COQ4: variants seen among roughly 807,000 people sequenced by gnomAD.
The protein encoded by COQ4 is coenzyme Q4.
COQ4 carries 36 observed loss-of-function variants against 30.2 expected under a neutral mutation model. The ratio of observed to expected loss-of-function variants is 1.19; its 90% CI spans 0.91 to 1.57. COQ4 has a LOEUF of 1.57. COQ4 is among the 40% of genes most tolerant of loss of function. The probability of loss-of-function intolerance (pLI) is 0.00; values close to 1 mark genes in which losing one functional copy is unlikely to be tolerated. For synonymous variants in COQ4, 197 were observed against 161.0 expected, an observed-to-expected ratio of 1.22 and a Z score of -1.69; for missense variants, 369 against 371.9, an observed-to-expected ratio of 0.99 and a Z score of 0.07.
intron 4 of COQ4, among the ~76,000 whole-genome samples, chr9:128,329,939 G>A (rs966391725): frequency 2.6e-5 from 4 of 152,114 alleles, no homozygotes; most frequent in Non-Finnish European, 4.4e-5. Context: ...GCCCAGGACT[G>A]GCCTTTTATT....
At chr9:128,329,962 A>G (rs940999122) in intron 4 of COQ4, among the ~76,000 whole-genome samples, 1 of 152,116 alleles carries the variant, frequency 6.6e-6, no homozygotes, top group African/African-American at 2.4e-5. Context: ...TATGTTCAAG[A>G]GGTGTTCATT....
At chr9:128,323,376 C>T in intron 2 of COQ4, 1 of 559,626 alleles carries the variant, frequency 1.8e-6, no homozygotes, top group Non-Finnish European at 3.1e-6. Context: ...CTTTAAACTA[C>T]TTGGGAGAAT....
At chr9:128,323,501 C>T (rs2131462767) in intron 2 of COQ4, 1 of 445,756 alleles carries the variant, frequency 2.2e-6, no homozygotes, top group Non-Finnish European at 3.9e-6. Context: ...ATGTCTGCCT[C>T]GTTCCACTGC....
chr9:128,323,800 A>T (rs1002093248), intron 2 of COQ4, among the ~76,000 whole-genome samples: 1 of 152,210 alleles, frequency 6.6e-6, no homozygotes, highest in South Asian at 2.1e-4. Context: ...AAAAAAAAAT[A>T]CAAGAATTAA....
At chr9:128,325,018 G>A (rs1832293352) in intron 2 of COQ4, 125 bp from the exon 3 acceptor site, 6 of 652,906 alleles carry the variant, frequency 9.2e-6, no homozygotes, top group Non-Finnish European at 1.6e-5. Context: ...TGTTTAGCCT[G>A]AATCCTTATA....
At chr9:128,330,234 G>A (rs899458335) in intron 4 of COQ4, among the ~76,000 whole-genome samples, 3 of 151,268 alleles carry the variant, frequency 2.0e-5, no homozygotes, top group East Asian at 2.0e-4. Context: ...TTAGCCGGGT[G>A]TAGTGGCACG....
rs1414517533 is a variant in COQ4 at position 128,332,840 on chromosome 9, T to C, written c.533-10T>C. 2 of 1,609,580 alleles carry C rather than the reference T, an allele frequency of 1.2e-6. No homozygotes were observed. The highest frequency in any genetic ancestry group is 1.7e-6 in the Non-Finnish European group (2 of 1,175,862). On this transcript the variant is annotated splice_polypyrimidine_tract_variant and intron_variant, in intron 5 of 6. Transcript: ENST00000300452. Reference sequence around the variant, plus strand: ...GCTTGTTCACCTCCCAACACATCCCTCACCCACAGGGGAGATCGTGGTGAA... The same window carrying C: ...GCTTGTTCACCTCCCAACACATCCCCCACCCACAGGGGAGATCGTGGTGAA...
At chr9:128,330,356 G>C (rs1013254932) in intron 4 of COQ4, 3 of 151,516 alleles carry the variant, frequency 2.0e-5, no homozygotes, top group Non-Finnish European at 2.9e-5. Flanking sequence ...CTGGGCGACA[G>C]AGTGAGACTC....
chr9:128,325,706 C>T (rs1832305343), intron 3 of COQ4, 73 bp from the exon 4 acceptor site: 7 of 1,194,578 alleles, frequency 5.9e-6, no homozygotes, highest in Non-Finnish European at 6.2e-6. Flanking sequence ...TCTCCCGCCC[C>T]TCAGCTCGCT....
At chr9:128,323,215 TA>T in intron 2 of COQ4, 68 bp downstream of exon 2, 1 of 1,456,022 alleles carries the variant, frequency 6.9e-7, no homozygotes, top group Non-Finnish European at 9.1e-7. Context: ...AACTGGAACA[TA>T]GCCTAGGTCG....
At chr9:128,329,131 C>A (rs1832366693) in intron 4 of COQ4, among the ~76,000 whole-genome samples, 1 of 152,160 alleles carries the variant, frequency 6.6e-6, no homozygotes, top group African/African-American at 2.4e-5. Flanking sequence ...GAGTGAGAAT[C>A]CTGGCTCTCT....
At chr9:128,324,528 A>G (rs1264459038) in intron 2 of COQ4, among the ~76,000 whole-genome samples, 6 of 152,310 alleles carry the variant, frequency 3.9e-5, no homozygotes, top group African/African-American at 1.4e-4. Flanking sequence ...AAAAATGTGA[A>G]GCAGGCCAGG....
In COQ4 at chr9:128,332,860, G is replaced by A. The variant is rs1207276250; in HGVS notation, c.543G>A (p.Val181=). The A allele has an allele frequency of 6.2e-7, 1 of 1,613,692 alleles. No homozygotes were observed. Among genetic ancestry groups the A allele is most frequent in the African/African-American group, 1.3e-5 (1 of 74,928 alleles). The change falls in exon 6 of 7, where the codon GTG becomes GTA. Residue 181 remains valine, a synonymous_variant. Coordinates refer to ENST00000300452, the MANE Select transcript of COQ4 (RefSeq NM_016035.5). ...GMPTNILGEI[V]VKWFEAVQTG... is the part of the protein sequence containing the mutation. The stretch of plus-strand genomic sequence containing the variant: ...ATCCCTCACCCACAGGGGAGATCGT[G>A]GTGAAATGGTTTGAGGCTGTCCAGA...
At chr9:128,324,215 G>T (rs1197763912) in intron 2 of COQ4, among the ~76,000 whole-genome samples, 1 of 152,074 alleles carries the variant, frequency 6.6e-6, no homozygotes, top group East Asian at 1.9e-4. Flanking sequence ...CTGACTTCAG[G>T]TGATCCTCCC....
intron 2 of COQ4, chr9:128,323,619 C>T (rs75700189): frequency 0.045 from 15,542 of 348,498 alleles, 440 homozygotes; most frequent in East Asian, 0.11. Context: ...TCTTATGCCT[C>T]CTAGATTTTT....
chr9:128,323,878 G>C (rs1020409044), intron 2 of COQ4, among the ~76,000 whole-genome samples: 1 of 152,218 alleles, frequency 6.6e-6, no homozygotes, highest in African/African-American at 2.4e-5. Flanking sequence ...CGGGGAGTTC[G>C]AGACTGCAGT....
rs745506847 is a variant in COQ4 at position 128,333,582 on chromosome 9, G to C, written c.735G>C (p.Leu245=). 2 of 1,608,388 alleles carry C rather than the reference G, an allele frequency of 1.2e-6. No individual in the cohort carries two copies. The highest frequency in any genetic ancestry group is 1.7e-5 in the Admixed American group (1 of 59,404). The change falls in exon 7 of 7, where the codon CTG becomes CTC. Residue 245 remains leucine, a synonymous_variant. Transcript: ENST00000300452. ...LYYERRWEQS[L]RALREELGIT... is the part of the protein sequence containing the mutation. ...ATGAGCGGCGCTGGGAGCAGTCCCT[G>C]AGGGCTCTGCGGGAGGAGCTGGGCA...
chr9:128,325,367 G>T, intron 3 of COQ4, 128 bp downstream of exon 3: 1 of 661,950 alleles, frequency 1.5e-6, no homozygotes. Flanking sequence ...GGTTGCACAG[G>T]CTGGGCACTG....
chr9:128,332,033 C>T (rs1487744474), intron 4 of COQ4, 120 bp from the exon 5 acceptor site: 21 of 1,240,770 alleles, frequency 1.7e-5, no homozygotes, highest in Admixed American at 4.8e-5. Flanking sequence ...CCTGGCCAGT[C>T]GCCAGAGTTT....
Sources: allele counts gnomAD v4.1 joint callset (sites outside exome capture counted in the v4.1 genomes callset), GRCh38; gene constraint gnomAD v4.1.1; transcripts MANE v1.5; gene names NCBI Gene and HGNC (gene_info 2026-07-23, HGNC 2026-07-21).